The following SHOX variants were observed in gnomAD, a reference collection of about 807,000 sequenced individuals.
The protein encoded by SHOX is short stature homeobox protein.
In SHOX, 12 loss-of-function variants were observed where a neutral mutation model predicts 29.6. The observed-to-expected ratio is 0.41, with a 90% CI of 0.26 to 0.66. The LOEUF (loss-of-function observed/expected upper bound fraction) is 0.66, where lower values mean the gene tolerates loss of function less well. Ranked by LOEUF, SHOX falls within the 30% of genes least tolerant of loss-of-function variation. SHOX has a pLI of 0.35. For synonymous variants in SHOX, 214 were observed against 200.6 expected, an observed-to-expected ratio of 1.07 and a Z score of -0.57; for missense variants, 499 against 437.7, an observed-to-expected ratio of 1.14 and a Z score of -1.25.
At position 640,818 on chromosome X, in the gene SHOX, A is replaced by G; in HGVS notation, c.487-3A>G. On this transcript the variant is annotated splice_region_variant and splice_polypyrimidine_tract_variant and intron_variant, in intron 2 of 4. Transcript: ENST00000686671. Reference sequence around the variant, plus strand: ...TTCACATCTCTCTCTGCTTCTCCCCAAGGTTTGGTTCCAGAACCGGAGAGC... The same window carrying G: ...TTCACATCTCTCTCTGCTTCTCCCCGAGGTTTGGTTCCAGAACCGGAGAGC... 1 of 1,613,794 alleles carries G rather than the reference A, an allele frequency of 6.2e-7. No homozygotes were observed. The highest frequency in any genetic ancestry group is 8.5e-7 in the Non-Finnish European group (1 of 1,179,838).
At chrX:634,534 T>C (rs1429916818) in intron 1 of SHOX, 84 bp from the exon 2 acceptor site, 2 of 1,462,858 alleles carry the variant, frequency 1.4e-6, no homozygotes, top group East Asian at 4.6e-5. Flanking sequence ...GGGCCCCCTT[T>C]CCACCGCGGG....
At chrX:634,490 C>A (rs774826309) in intron 1 of SHOX, 128 bp from the exon 2 acceptor site, 2 of 955,172 alleles carry the variant, frequency 2.1e-6, no homozygotes, top group Non-Finnish European at 1.6e-6. Context: ...ATGGACCCCA[C>A]GCAGTTTTTG....
chrX:644,834 A>G lies in SHOX; in HGVS notation c.*198A>G. ...ACGACCCAGCCAGACCCTCGCGGAG[A>G]TGGTGCAGAAGGCGGAGCGGGTGAG... On this transcript the variant is annotated 3_prime_UTR_variant, in exon 5 of 5. Transcript: ENST00000686671. 1 of 697,602 alleles carries G rather than the reference A, an allele frequency of 1.4e-6. No individual in the cohort carries two copies. Among genetic ancestry groups the G allele is most frequent in the Non-Finnish European group, 2.1e-6 (1 of 475,968 alleles). The allele number at this position is 697,602 out of a possible 1,614,324, so 43.2% of individuals were successfully genotyped here.
chrX:639,759 T>C (rs1021471722), intron 2 of SHOX, among the ~76,000 whole-genome samples: 1 of 152,230 alleles, frequency 6.6e-6, no homozygotes, highest in African/African-American at 2.4e-5. Context: ...CCCAGCACTT[T>C]GGGAGGCCCA....
chrX:651,927 T>TA (rs2053071431), downstream of SHOX, among the ~76,000 whole-genome samples: 1 of 137,546 alleles, frequency 7.3e-6, no homozygotes, highest in African/African-American at 3.1e-5. Context: ...AATTAATTTA[T>TA]TTTTTTTTTT....
chrX:624,385 A>AG (rs2124125020), exon 1 of SHOX: 1 of 28,472 alleles, frequency 3.5e-5, no homozygotes, highest in East Asian at 5.1e-4. Flanking sequence ...GGCTCCCCAC[A>AG]CTTTTTTTTT....
rs1420515243 is a variant in SHOX, at chrX:634,835, C to CCGGGGG, written c.486+22_486+27dup. 6.4e-6 allele frequency: 10 copies of CCGGGGG among 1,554,838 alleles called. No homozygotes were observed. In the African/African-American group the frequency reaches 6.8e-5, roughly 11 times the overall value. On this transcript the variant is annotated intron_variant, in intron 2 of 4. Transcript: ENST00000686671. ...CCGAGGCGCGCGTGCAGGTAGGAAC[C>CCGGGGG]CGGGGGCGGGGGCGGGGGGCCCGGA...
chrX:638,929 G>A (rs1428225035), intron 2 of SHOX, among the ~76,000 whole-genome samples: 1 of 152,174 alleles, frequency 6.6e-6, no homozygotes, highest in East Asian at 1.9e-4. Context: ...CAGGTTTTCT[G>A]CCACAGAAAA....
At chrX:657,969 GTCTC>G (rs763260813) in intron 5 of SHOX, among the ~76,000 whole-genome samples, 167 of 151,364 alleles carry the variant, frequency 1.1e-3, no homozygotes, top group African/African-American at 3.5e-3. Context: ...TCTCCAGGTG[GTCTC>G]TCTCTCTCTC....
upstream of SHOX, chrX:630,753 T>A: frequency 9.6e-7 from 1 of 1,045,520 alleles, no homozygotes; most frequent in East Asian, 2.4e-5. Flanking sequence ...CTGGGCGAGG[T>A]CGCCGCGTAT....
At chrX:632,003 G>A (rs750344033) in intron 1 of SHOX, 8 of 455,950 alleles carry the variant, frequency 1.8e-5, no homozygotes. Context: ...AGACGGGAAG[G>A]CCCCGGGTCA....
intron 1 of SHOX, among the ~76,000 whole-genome samples, chrX:625,310 G>A (rs1291676967): frequency 4.7e-5 from 7 of 149,890 alleles, no homozygotes; most frequent in South Asian, 4.2e-4. Context: ...ATTCGCAGTC[G>A]TTGTTTTTGT....
chrX:628,533 ATCTG>A (rs1157995304), upstream of SHOX, among the ~76,000 whole-genome samples: 1 of 32,364 alleles, frequency 3.1e-5, no homozygotes, highest in African/African-American at 1.1e-4. Flanking sequence ...CTCTCTCTCC[ATCTG>A]TCTGTCTCTC....
At position 634,817 on chromosome X, in the gene SHOX, G is replaced by A. The variant is rs755267491; in HGVS notation, c.477G>A (p.Ala159=). ...ELSQRLGLSE[A]RVQVWFQNRR... ...GCCAGCGCCTGGGGCTCTCCGAGGC[G>A]CGCGTGCAGGTAGGAACCCGGGGGC... The change falls in exon 2 of 5, where the codon GCG becomes GCA. Residue 159 remains alanine, a synonymous_variant. Coordinates refer to ENST00000686671, the MANE Select transcript of SHOX (RefSeq NM_000451.4). The A allele has an allele frequency of 5.1e-6, 8 of 1,569,512 alleles. No homozygotes were observed. The highest frequency in any genetic ancestry group is 1.9e-5 in the Admixed American group (1 of 52,700).
chrX:624,923 TTTC>T (rs200449252), intron 1 of SHOX, among the ~76,000 whole-genome samples: 37,071 of 136,200 alleles, frequency 0.27, 6,013 homozygotes, highest in African/African-American at 0.36. Context: ...TCTTTCTTTC[TTTC>T]TTTCTTTTCT....
intron 2 of SHOX, among the ~76,000 whole-genome samples, chrX:635,057 A>G (rs1207342795): frequency 6.6e-6 from 1 of 152,024 alleles, no homozygotes; most frequent in East Asian, 1.9e-4. Flanking sequence ...ATATATACAT[A>G]TATATTATAC....
intron 1 of SHOX, 69 bp from the exon 2 acceptor site, chrX:634,549 A>G (rs1405533725): frequency 3.2e-5 from 50 of 1,548,288 alleles, no homozygotes; most frequent in South Asian, 2.4e-4. Context: ...CGCGGGATGC[A>G]CGAAGGGGTT....
downstream of SHOX, among the ~76,000 whole-genome samples, chrX:652,936 G>A (rs1288000113): frequency 1.3e-5 from 2 of 152,142 alleles, no homozygotes; most frequent in Non-Finnish European, 2.9e-5. Flanking sequence ...GTTATTTCAT[G>A]GTTAAACTAT....
chrX:651,798 A>G (rs1047407766), downstream of SHOX, among the ~76,000 whole-genome samples: 5 of 151,528 alleles, frequency 3.3e-5, no homozygotes, highest in Non-Finnish European at 5.9e-5. Flanking sequence ...CCCTTCCTTT[A>G]CTGAAACCTA....
Sources: allele counts gnomAD v4.1 joint callset (sites outside exome capture counted in the v4.1 genomes callset), GRCh38; gene constraint gnomAD v4.1.1; transcripts MANE v1.5; gene names NCBI Gene and HGNC (gene_info 2026-07-23, HGNC 2026-07-21).